Variants in RAI14 observed in about 807,000 individuals in gnomAD.
RAI14 encodes ankycorbin.
A neutral mutation model predicts 115.4 loss-of-function variants in RAI14; 45 were observed. The ratio of observed to expected loss-of-function variants is 0.39; its 90% CI spans 0.31 to 0.50. The LOEUF (loss-of-function observed/expected upper bound fraction) is 0.50. RAI14 is among the 20% of genes least tolerant of loss of function. RAI14 has a pLI of 0.85. For missense variants in RAI14, 939 were observed against 1,131.2 expected, an observed-to-expected ratio of 0.83 and a Z score of 2.44; for synonymous variants, 371 against 415.4, an observed-to-expected ratio of 0.89 and a Z score of 1.30.
chr5:34,697,436 CA>C (rs1214679104), intron 2 of RAI14, among the ~76,000 whole-genome samples: 74 of 64,270 alleles, frequency 1.2e-3, no homozygotes, highest in East Asian at 2.6e-3. Context: ...AACTCTGTCT[CA>C]AAAAAAAAAA....
intron 2 of RAI14, among the ~76,000 whole-genome samples, chr5:34,703,741 G>A (rs916698721): frequency 2.6e-5 from 4 of 152,176 alleles, no homozygotes; most frequent in African/African-American, 9.7e-5. Flanking sequence ...AGCTTTAGTT[G>A]CTTTATGGGA....
At chr5:34,660,293 G>A (rs186533251) in intron 1 of RAI14, among the ~76,000 whole-genome samples, 26 of 152,246 alleles carry the variant, frequency 1.7e-4, no homozygotes, top group East Asian at 9.7e-4. Flanking sequence ...TTACCCAGGC[G>A]TGGTGGCGCA....
chr5:34,790,848 A>G (rs116760955), intron 3 of RAI14, among the ~76,000 whole-genome samples: 2,093 of 151,690 alleles, frequency 0.014, 54 homozygotes, highest in African/African-American at 0.048. Flanking sequence ...AAGAACCCTC[A>G]TTATTACACA....
chr5:34,719,656 T>C (rs1401943165), intron 2 of RAI14, among the ~76,000 whole-genome samples: 2 of 152,138 alleles, frequency 1.3e-5, no homozygotes, highest in African/African-American at 2.4e-5. Flanking sequence ...TGAAATATAG[T>C]ATCTGAACTC....
intron 1 of RAI14, among the ~76,000 whole-genome samples, chr5:34,684,234 T>C (rs543814956): frequency 6.6e-6 from 1 of 152,314 alleles, no homozygotes; most frequent in East Asian, 1.9e-4. Flanking sequence ...TCCGCCTACA[T>C]CAGTTCTAGG....
Position 34,823,720 on chromosome 5 carries a change from A to C in RAI14, c.1878A>C (p.Glu626Asp). Residue 626 changes from glutamate (E) to aspartate (D), a missense_variant, in exon 15 of 18, where the codon GAA (glutamate) becomes GAC (aspartate). By Grantham distance (45) the Glu-to-Asp change is conservative (BLOSUM62 2). Transcript: ENST00000265109. This position sits in a 1 kb window ranked among gnomAD's most constrained non-coding sequence, Gnocchi z 4.5. ...AGATGACACAGGAAGCCAGTGATGA[A>C]GCTGAGGACATGAAAGAAGCCATGA... ...KSQMTQEASD[E>D]AEDMKEAMNR... 3 of 1,614,206 alleles carry C rather than the reference A, an allele frequency of 1.9e-6. No homozygotes were observed. The highest frequency in any genetic ancestry group is 2.5e-6 in the Non-Finnish European group (3 of 1,180,044).
chr5:34,831,635 A>T lies in RAI14; in HGVS notation c.*870A>T, dbSNP rs564735320. 1 of 152,486 alleles carries T rather than the reference A, an allele frequency of 6.6e-6. No homozygotes were observed. The highest frequency in any genetic ancestry group is 2.1e-4 in the South Asian group (1 of 4,828). The allele number at this position is 152,486 out of a possible 1,614,324, so 9.4% of individuals were successfully genotyped here. A position where few individuals can be genotyped will look rare whatever the true frequency, so the allele number is the denominator to read the frequency against. On this transcript the variant is annotated 3_prime_UTR_variant, in exon 18 of 18. Transcript: ENST00000265109. The stretch of plus-strand genomic sequence containing the variant: ...GTAATATTTTTATTGGCTCATAAAG[A>T]TGTTTTCATATCTGAACTCCTAAAT...
chr5:34,680,151 C>T (rs143383074), intron 1 of RAI14, among the ~76,000 whole-genome samples: 173 of 152,292 alleles, frequency 1.1e-3, no homozygotes, highest in African/African-American at 4.1e-3. Context: ...ACCCAGGGTC[C>T]AAAGGAGTCA....
intron 3 of RAI14, among the ~76,000 whole-genome samples, chr5:34,767,446 C>T (rs771635989): frequency 2.6e-5 from 4 of 152,104 alleles, no homozygotes; most frequent in South Asian, 4.2e-4. Context: ...GCTGCTGGAG[C>T]GGGAGATTCT....
rs1019797828 is a variant in RAI14, at chr5:34,791,751, G to A, written c.168-4188G>A. On this transcript the variant is annotated intron_variant, in intron 3 of 17. Coordinates refer to ENST00000265109, the MANE Select transcript of RAI14 (RefSeq NM_015577.3). The surrounding 1 kb of genome is among the most constrained non-coding windows in gnomAD (Gnocchi z 5.4). ...AATGCCGCCCAGGATTCTAACAAGA[G>A]TGAGAATCTATTTCTACTCTTGACC... Among the ~76,000 whole-genome samples, 5 of 152,214 alleles carry A rather than the reference G, an allele frequency of 3.3e-5. No individual in the cohort carries two copies. Among genetic ancestry groups the A allele is most frequent in the African/African-American group, 1.2e-4 (5 of 41,460 alleles).
chr5:34,777,201 T>C (rs1414841531), intron 3 of RAI14, among the ~76,000 whole-genome samples: 2 of 152,120 alleles, frequency 1.3e-5, no homozygotes, highest in Non-Finnish European at 2.9e-5. Context: ...GAATTCAGTA[T>C]ATCAAAAGGA....
intron 2 of RAI14, among the ~76,000 whole-genome samples, chr5:34,694,517 T>C (rs1230895521): frequency 6.6e-6 from 1 of 152,244 alleles, no homozygotes; most frequent in Non-Finnish European, 1.5e-5. Context: ...AAAGTCAGTG[T>C]GTCCTGGTCA....
At chr5:34,690,594 G>A (rs7735814) in intron 2 of RAI14, among the ~76,000 whole-genome samples, 2 of 151,984 alleles carry the variant, frequency 1.3e-5, no homozygotes, top group Admixed American at 6.5e-5. Flanking sequence ...TGGGAGTGTC[G>A]TTTCCGGAAG....
chr5:34,674,804 G>A (rs1579873776), intron 1 of RAI14, among the ~76,000 whole-genome samples: 2 of 151,908 alleles, frequency 1.3e-5, no homozygotes, highest in East Asian at 3.8e-4. Flanking sequence ...GACCAGGCTG[G>A]TCTTGAACTC....
chr5:34,768,529 A>C (rs763357326), intron 3 of RAI14, among the ~76,000 whole-genome samples: 3 of 152,186 alleles, frequency 2.0e-5, no homozygotes, highest in Non-Finnish European at 4.4e-5. Context: ...AAGTTCTGAA[A>C]TTAGTACAAA....
At chr5:34,733,130 A>G (rs1419657393) in intron 2 of RAI14, 1 of 152,158 alleles carries the variant, frequency 6.6e-6, no homozygotes, top group Non-Finnish European at 1.5e-5. Context: ...GGATCAGAGG[A>G]GGAATATCAG....
rs1738129116 is a variant in RAI14 at position 34,688,354 on chromosome 5, T to A, written c.36+1399T>A. ...TATTCCAAGGGAATCTAGGTAGCTT[T>A]CATTTACATAGGTTAAGATTATTTT... On this transcript the variant is annotated intron_variant, in intron 2 of 17. Coordinates refer to ENST00000265109, the MANE Select transcript of RAI14 (RefSeq NM_015577.3). The A allele has an allele frequency of 4.4e-6, 5 of 1,132,660 alleles. No homozygotes were observed. In the South Asian group the frequency reaches 7.4e-5, roughly 17 times the overall value. The allele number at this position is 1,132,660 out of a possible 1,614,324, so 70.2% of individuals were successfully genotyped here. A position where few individuals can be genotyped will look rare whatever the true frequency, so the allele number is the denominator to read the frequency against.
At chr5:34,769,465 T>C (rs1749869873) in intron 3 of RAI14, among the ~76,000 whole-genome samples, 1 of 152,196 alleles carries the variant, frequency 6.6e-6, no homozygotes, top group Non-Finnish European at 1.5e-5. Context: ...TTAATCCTAT[T>C]GTTAGGATTG....
At chr5:34,765,706 G>T (rs1278694187) in intron 3 of RAI14, among the ~76,000 whole-genome samples, 6 of 152,230 alleles carry the variant, frequency 3.9e-5, no homozygotes, top group Non-Finnish European at 8.8e-5. Flanking sequence ...TTCATTTTCT[G>T]TGGAGAAACT....
Sources: allele counts gnomAD v4.1 joint callset (sites outside exome capture counted in the v4.1 genomes callset), GRCh38; gene constraint gnomAD v4.1.1; non-coding constraint Gnocchi (gnomAD v3.1); transcripts MANE v1.5; gene names NCBI Gene and HGNC (gene_info 2026-07-23, HGNC 2026-07-21).